PKP2: variants seen among roughly 807,000 people sequenced by gnomAD.
The protein encoded by PKP2 is plakophilin-2.
PKP2 carries 73 observed loss-of-function variants against 83.4 expected under a neutral mutation model. That is an observed-to-expected ratio of 0.88 (90% confidence interval 0.72 to 1.06). PKP2 has a LOEUF of 1.06. Ranked by LOEUF, PKP2 falls within the 50% of genes least tolerant of loss-of-function variation. The pLI is 0.00. For missense variants in PKP2, 966 were observed against 1,065.4 expected (o/e 0.91, Z 1.30); for synonymous variants, 409 against 430.4 (o/e 0.95, Z 0.62).
intron 1 of PKP2, among the ~76,000 whole-genome samples, chr12:32,881,950 G>A (rs1200149875): frequency 2.6e-5 from 4 of 152,200 alleles, no homozygotes; most frequent in Non-Finnish European, 5.9e-5. Context: ...GCCAGGTACA[G>A]GGAACATAAA....
intron 6 of PKP2, among the ~76,000 whole-genome samples, chr12:32,832,499 A>T (rs568699710): frequency 6.6e-6 from 1 of 152,358 alleles, no homozygotes; most frequent in East Asian, 1.9e-4. Flanking sequence ...TAACATTAGA[A>T]ATATTGCCAA....
chr12:32,878,657 C>T (rs566206727), intron 2 of PKP2, 114 bp from the exon 3 acceptor site: 27 of 927,352 alleles, frequency 2.9e-5, no homozygotes, highest in East Asian at 4.8e-5. Context: ...AATCAGATGA[C>T]GAGAAGTTTG....
intron 10 of PKP2, among the ~76,000 whole-genome samples, chr12:32,799,144 T>A (rs1303340067): frequency 6.6e-6 from 1 of 151,934 alleles, no homozygotes; most frequent in African/African-American, 2.4e-5. Flanking sequence ...ACAAATGGCA[T>A]AAGAAAAATT....
intron 6 of PKP2, among the ~76,000 whole-genome samples, chr12:32,826,071 G>A (rs1293104390): frequency 2.6e-5 from 4 of 151,958 alleles, no homozygotes; most frequent in African/African-American, 4.8e-5. Flanking sequence ...TTGGGAGGCC[G>A]AGGCAGGCGG....
intron 9 of PKP2, among the ~76,000 whole-genome samples, chr12:32,806,638 A>AT (rs944302252): frequency 4.0e-5 from 6 of 148,586 alleles, no homozygotes; most frequent in South Asian, 4.3e-4. Context: ...CATCTTATTA[A>AT]TTTTTTTCAA....
At position 32,841,143 on chromosome 12, in the gene PKP2, G is replaced by C. The variant is rs1956587925; in HGVS notation, c.1441C>G (p.Leu481Val). 6.2e-7 allele frequency: 1 copy of C among 1,613,016 alleles called. No homozygotes were observed. Among genetic ancestry groups the C allele is most frequent in the Non-Finnish European group, 8.5e-7 (1 of 1,179,108 alleles). ...LKNLMITEAL[L>V]TLTENIIIPF... ...ATGATGATATTCTCCGTCAGCGTAA[G>C]CAATGCTTCTGTTATCATGAGATTC... is the stretch of plus-strand genomic sequence containing the variant. Residue 481 changes from leucine to valine, a missense_variant, in exon 6 of 13, where the codon CTT becomes GTT. Physicochemically the swap from Leu to Val is conservative, Grantham distance 32 (BLOSUM62 1). Coordinates refer to ENST00000340811, the MANE Select transcript of PKP2 (RefSeq NM_001005242.3).
rs540254271 is a variant in PKP2, at chr12:32,813,641, G to A, written c.2013+7715C>T. Among the ~76,000 whole-genome samples, 5 of 151,986 alleles carry A rather than the reference G, an allele frequency of 3.3e-5. No individual in the cohort carries two copies. In the South Asian group the frequency reaches 1.0e-3, roughly 32 times the overall value. ...AAATGATAAAAAAATTTAGCTGGGT[G>A]TTGTGGTATGTGCCTGTGGTTCTAG... On this transcript the variant is annotated intron_variant, in intron 9 of 12. Transcript: ENST00000340811.
chr12:32,814,618 A>G (rs765069400), intron 9 of PKP2, among the ~76,000 whole-genome samples: 1 of 152,132 alleles, frequency 6.6e-6, no homozygotes, highest in Non-Finnish European at 1.5e-5. Context: ...TGCATGAACC[A>G]TCACATTAAA....
intron 7 of PKP2, among the ~76,000 whole-genome samples, chr12:32,823,047 A>C (rs1345668066): frequency 1.3e-5 from 2 of 152,182 alleles, no homozygotes; most frequent in Non-Finnish European, 2.9e-5. Flanking sequence ...TAAGAACTGA[A>C]AGCCTTTTCA....
chr12:32,854,068 G>A (rs1007787923), intron 4 of PKP2, among the ~76,000 whole-genome samples: 1 of 152,196 alleles, frequency 6.6e-6, no homozygotes, highest in Non-Finnish European at 1.5e-5. Context: ...TATTTGTCCT[G>A]AGGTACTTTG....
chr12:32,861,238 A>C (rs1465779292), intron 4 of PKP2, among the ~76,000 whole-genome samples: 1 of 152,192 alleles, frequency 6.6e-6, no homozygotes, highest in Middle Eastern at 3.2e-3. Flanking sequence ...GAGAAAAACC[A>C]ATCAATCAAA....
chr12:32,868,990 C>G lies in PKP2; in HGVS notation c.1107G>C (p.Arg369Ser). 6.2e-7 allele frequency: 1 copy of G among 1,614,080 alleles called. No individual in the cohort carries two copies. Among genetic ancestry groups the G allele is most frequent in the Non-Finnish European group, 8.5e-7 (1 of 1,180,008 alleles). ...GTATGAAAGTAGCTGCAGCAGAAATCCTGGATGGCAGCATGTGGTCTGCCT... is the reference window on the plus strand; with the variant it reads ...GTATGAAAGTAGCTGCAGCAGAAATGCTGGATGGCAGCATGTGGTCTGCCT... The part of the protein sequence containing the change: ...MLEADHMLPS[R>S]ISAAATFIQH... The change falls in exon 4 of 13, where the codon AGG (arginine) becomes AGC (serine). Residue 369 changes from arginine to serine, a missense_variant. By Grantham distance (110) the Arg-to-Ser change is moderately radical. Coordinates refer to ENST00000340811, the MANE Select transcript of PKP2 (RefSeq NM_001005242.3).
At chr12:32,884,584 G>T (rs572957315) in intron 1 of PKP2, among the ~76,000 whole-genome samples, 1 of 152,004 alleles carries the variant, frequency 6.6e-6, no homozygotes, top group African/African-American at 2.4e-5. Context: ...TTTTGTTATA[G>T]GGGTCTCAGG....
chr12:32,799,935 C>T (rs3850974), intron 10 of PKP2, among the ~76,000 whole-genome samples: 31,311 of 152,112 alleles, frequency 0.21, 3,902 homozygotes, highest in East Asian at 0.57. Flanking sequence ...ATTGAAAATT[C>T]TTAAAAGGTG....
At chr12:32,812,131 T>C (rs1175884167) in intron 9 of PKP2, among the ~76,000 whole-genome samples, 23 of 127,430 alleles carry the variant, frequency 1.8e-4, no homozygotes, top group Non-Finnish European at 3.1e-4. Flanking sequence ...TTTTTTTTTT[T>C]CTGCTTGAGG....
intron 9 of PKP2, among the ~76,000 whole-genome samples, chr12:32,803,159 C>T (rs1012479495): frequency 1.3e-5 from 2 of 151,748 alleles, no homozygotes; most frequent in Non-Finnish European, 2.9e-5. Flanking sequence ...CACCTGAGGC[C>T]AGGAGTTCAA....
intron 1 of PKP2, among the ~76,000 whole-genome samples, chr12:32,890,746 G>A (rs989967883): frequency 6.6e-6 from 1 of 152,202 alleles, no homozygotes; most frequent in Middle Eastern, 3.4e-3. Context: ...ATCACCTGAG[G>A]TCAGGAGTTC....
rs368243281 is a variant in PKP2, at chr12:32,872,866, G to A, written c.1035-3804C>T. Among the ~76,000 whole-genome samples the A allele has an allele frequency of 1.7e-3, 254 of 152,208 alleles. 2 individuals are homozygous for A. Among genetic ancestry groups the A allele is most frequent in the African/African-American group, 5.6e-3 (231 of 41,534 alleles). On this transcript the variant is annotated intron_variant, in intron 3 of 12. Transcript: ENST00000340811. ...TAAAAGGTTCAGCTGAGGCAAAAAAGCCTTGAACTGGGCTGTTAAAAATGG... is the reference window on the plus strand; with the variant it reads ...TAAAAGGTTCAGCTGAGGCAAAAAAACCTTGAACTGGGCTGTTAAAAATGG...
chr12:32,863,447 C>A, intron 4 of PKP2: 1 of 207,628 alleles, frequency 4.8e-6, no homozygotes, highest in Non-Finnish European at 1.0e-5. Flanking sequence ...ACTAATGAAA[C>A]AATAATAAAT....
Sources: allele counts gnomAD v4.1 joint callset (sites outside exome capture counted in the v4.1 genomes callset), GRCh38; gene constraint gnomAD v4.1.1; transcripts MANE v1.5; gene names NCBI Gene and HGNC (gene_info 2026-07-23, HGNC 2026-07-21).